Variants in KLF12 observed in about 807,000 individuals in gnomAD.
KLF12 encodes Krueppel-like factor 12.
A neutral mutation model predicts 37.8 loss-of-function variants in KLF12; 9 were observed. The ratio of observed to expected loss-of-function variants is 0.24; its 90% CI spans 0.14 to 0.42. KLF12 has a LOEUF of 0.42. KLF12 is among the 10% of genes least tolerant of loss of function. The pLI is 1.00. For missense variants in KLF12, 411 were observed against 516.0 expected, an observed-to-expected ratio of 0.80 and a Z score of 1.97; for synonymous variants, 208 against 202.1, an observed-to-expected ratio of 1.03 and a Z score of -0.25.
chr13:73,934,610 T>G (rs546979252), intron 3 of KLF12, among the ~76,000 whole-genome samples: 3 of 152,300 alleles, frequency 2.0e-5, no homozygotes, highest in East Asian at 3.9e-4. Context: ...TTCCTTCATG[T>G]GTAAGGTGTA....
intron 1 of KLF12, among the ~76,000 whole-genome samples, chr13:74,049,882 A>G (rs991758379): frequency 6.6e-6 from 1 of 152,190 alleles, no homozygotes; most frequent in Admixed American, 6.5e-5. Context: ...CAGTACCCCA[A>G]TCCTCTGACA....
At chr13:73,828,467 C>A (rs796815642) in intron 4 of KLF12, among the ~76,000 whole-genome samples, 4 of 152,090 alleles carry the variant, frequency 2.6e-5, no homozygotes, top group African/African-American at 9.7e-5. Flanking sequence ...AGCTTTTCTA[C>A]TTGTGCCAGA....
intron 3 of KLF12, among the ~76,000 whole-genome samples, chr13:73,923,732 G>T (rs1344745781): frequency 6.6e-6 from 1 of 152,168 alleles, no homozygotes; most frequent in Admixed American, 6.5e-5. Flanking sequence ...TGGGGAATCT[G>T]GTGAACACCC....
the KLF12 span, among the ~76,000 whole-genome samples, chr13:74,174,904 A>T: frequency 6.6e-6 from 1 of 152,234 alleles, no homozygotes; most frequent in Non-Finnish European, 1.5e-5. Context: ...GATATAAATC[A>T]TATGAGATGA....
At chr13:74,091,007 C>A (rs1249029922) in intron 1 of KLF12, among the ~76,000 whole-genome samples, 1 of 149,890 alleles carries the variant, frequency 6.7e-6, no homozygotes, top group Admixed American at 6.7e-5. Context: ...AGAAACAAGA[C>A]CAGTGTGGTT....
At chr13:74,050,937 G>C (rs990028120) in intron 1 of KLF12, among the ~76,000 whole-genome samples, 1 of 152,110 alleles carries the variant, frequency 6.6e-6, no homozygotes, top group Non-Finnish European at 1.5e-5. Flanking sequence ...TACATGAAAA[G>C]GTGCTCAACA....
the KLF12 span, among the ~76,000 whole-genome samples, chr13:74,237,534 G>C: frequency 2.1e-5 from 3 of 146,164 alleles, no homozygotes; most frequent in Non-Finnish European, 4.4e-5. Flanking sequence ...ACCTTGGGCA[G>C]TATGGCCATT....
chr13:74,168,157 C>A, the KLF12 span, among the ~76,000 whole-genome samples: 39,781 of 152,154 alleles, frequency 0.26, 7,836 homozygotes, highest in African/African-American at 0.55. Context: ...ACCTGATCAC[C>A]CATCAAGGCT....
chr13:74,066,194 T>A (rs9543517), intron 1 of KLF12, among the ~76,000 whole-genome samples: 84,207 of 151,944 alleles, frequency 0.55, 26,036 homozygotes, highest in East Asian at 0.87. Flanking sequence ...CATCTGTGGG[T>A]TTCAGACTGT....
the KLF12 span, among the ~76,000 whole-genome samples, chr13:74,195,562 C>A: frequency 6.6e-6 from 1 of 152,178 alleles, no homozygotes; most frequent in African/African-American, 2.4e-5. Context: ...GCAAGACTCA[C>A]AAACAGGGAA....
the KLF12 span, among the ~76,000 whole-genome samples, chr13:74,186,669 G>GA: frequency 7.2e-5 from 11 of 151,874 alleles, no homozygotes; most frequent in Admixed American, 2.6e-4. Context: ...CTCCATGATA[G>GA]AAAAAAAATT....
At chr13:74,092,006 A>C (rs1428361326) in intron 1 of KLF12, among the ~76,000 whole-genome samples, 1 of 151,558 alleles carries the variant, frequency 6.6e-6, no homozygotes, top group Non-Finnish European at 1.5e-5. Flanking sequence ...AAAAAAAAAA[A>C]AACCCAGACG....
At chr13:74,187,563 A>G in the KLF12 span, among the ~76,000 whole-genome samples, 108,190 of 152,026 alleles carry the variant, frequency 0.71, 38,878 homozygotes, top group East Asian at 0.88. Flanking sequence ...AAGCTTATAT[A>G]GAGTGATTTA....
At chr13:73,979,399 A>ACACACACACAC (rs1566491623) in intron 2 of KLF12, among the ~76,000 whole-genome samples, 2 of 150,790 alleles carry the variant, frequency 1.3e-5, no homozygotes, top group African/African-American at 4.9e-5. Flanking sequence ...ACACACACAC[A>ACACACACACAC]AATCATGGAA....
At chr13:74,246,317 G>C in the KLF12 span, among the ~76,000 whole-genome samples, 2 of 152,204 alleles carry the variant, frequency 1.3e-5, no homozygotes, top group Admixed American at 6.5e-5. Flanking sequence ...GTGTCAGAAG[G>C]TGGGTGGCTC....
intron 4 of KLF12, among the ~76,000 whole-genome samples, chr13:73,837,803 T>C (rs1241237965): frequency 6.6e-6 from 1 of 152,226 alleles, no homozygotes; most frequent in Non-Finnish European, 1.5e-5. Flanking sequence ...CTATGGCTAG[T>C]AGTCACCATA....
At chr13:74,188,868 G>A in the KLF12 span, among the ~76,000 whole-genome samples, 2,868 of 152,074 alleles carry the variant, frequency 0.019, 83 homozygotes, top group African/African-American at 0.063. Context: ...GTGGTGGTGC[G>A]CGCCTGTAAT....
chr13:74,255,988 T>G, the KLF12 span, among the ~76,000 whole-genome samples: 1 of 152,050 alleles, frequency 6.6e-6, no homozygotes, highest in East Asian at 1.9e-4. Context: ...ACCCCGTCTC[T>G]GCTAAAAATA....
At chr13:74,268,567 A>C in the KLF12 span, among the ~76,000 whole-genome samples, 1 of 152,320 alleles carries the variant, frequency 6.6e-6, no homozygotes, top group South Asian at 2.1e-4. Context: ...TCAGAGGCTC[A>C]TTGGAGGATC....
Sources: gnomAD v4.1 joint callset for allele counts (sites outside exome capture counted in the v4.1 genomes callset) on GRCh38, gnomAD v4.1.1 for gene constraint, MANE v1.5 for transcripts, NCBI Gene and HGNC (gene_info 2026-07-23, HGNC 2026-07-21) for gene names.